The following NXPE2 variants were observed in gnomAD, a reference collection of about 807,000 sequenced individuals.
NXPE2 encodes neurexophilin and PC-esterase domain family member 2, also known as NXPE family member 2.
NXPE2 carries 34 observed loss-of-function variants against 34.4 expected under a neutral mutation model. The observed-to-expected ratio is 0.99, with a 90% CI of 0.75 to 1.31. NXPE2 has a LOEUF of 1.31. NXPE2 is among the 40% of genes most tolerant of loss of function. The probability of loss-of-function intolerance (pLI) is 0.00; values close to 1 mark genes in which losing one functional copy is unlikely to be tolerated. For missense variants in NXPE2, 649 were observed against 672.5 expected (o/e 0.97, Z 0.39); for synonymous variants, 235 against 231.3 (o/e 1.02, Z -0.15).
At chr11:114,567,425 G>A in the NXPE2 span, among the ~76,000 whole-genome samples, 14 of 151,916 alleles carry the variant, frequency 9.2e-5, no homozygotes, top group Admixed American at 7.2e-4. Context: ...GAAAACCAAC[G>A]ATCTCTGCTT....
chr11:114,609,100 T>C, the NXPE2 span, among the ~76,000 whole-genome samples: 1 of 151,974 alleles, frequency 6.6e-6, no homozygotes, highest in Admixed American at 6.6e-5. Flanking sequence ...AAGTGTTGCC[T>C]CATGGGTAGC....
At chr11:114,713,939 T>G in the NXPE2 span, among the ~76,000 whole-genome samples, 1 of 152,238 alleles carries the variant, frequency 6.6e-6, no homozygotes, top group Non-Finnish European at 1.5e-5. Context: ...AGTCATCAAG[T>G]GCTTCAGGCT....
At chr11:114,494,656 C>A in the NXPE2 span, among the ~76,000 whole-genome samples, 4 of 152,108 alleles carry the variant, frequency 2.6e-5, no homozygotes, top group Non-Finnish European at 4.4e-5. Context: ...GTTTTGAATT[C>A]TCTGTCTGAA....
At chr11:114,549,493 CAT>C in the NXPE2 span, among the ~76,000 whole-genome samples, 1 of 151,964 alleles carries the variant, frequency 6.6e-6, no homozygotes, top group Non-Finnish European at 1.5e-5. Flanking sequence ...TGAGGAATTA[CAT>C]GATTATCTTC....
At chr11:114,610,678 C>T in the NXPE2 span, among the ~76,000 whole-genome samples, 9 of 152,056 alleles carry the variant, frequency 5.9e-5, no homozygotes, top group East Asian at 5.8e-4. Context: ...CATGTTGCCT[C>T]GTGGTTAACC....
chr11:114,659,697 A>G, the NXPE2 span, among the ~76,000 whole-genome samples: 2 of 152,168 alleles, frequency 1.3e-5, no homozygotes, highest in South Asian at 2.1e-4. Context: ...AAGTTGTAAC[A>G]TTAAATACAT....
the NXPE2 span, among the ~76,000 whole-genome samples, chr11:114,533,735 G>C: frequency 1.1e-4 from 17 of 152,252 alleles, no homozygotes; most frequent in East Asian, 3.3e-3. Flanking sequence ...GCAAGACTAG[G>C]GGAGGGGCAC....
chr11:114,519,765 T>C, the NXPE2 span, among the ~76,000 whole-genome samples: 1 of 152,166 alleles, frequency 6.6e-6, no homozygotes. Flanking sequence ...ATTTTGTGTA[T>C]GTATCTTTTA....
At chr11:114,586,052 C>T in the NXPE2 span, among the ~76,000 whole-genome samples, 1 of 152,258 alleles carries the variant, frequency 6.6e-6, no homozygotes, top group African/African-American at 2.4e-5. Context: ...GAGTCCTAAC[C>T]AGTTCTTTGT....
At chr11:114,547,526 G>C in the NXPE2 span, among the ~76,000 whole-genome samples, 1 of 152,190 alleles carries the variant, frequency 6.6e-6, no homozygotes, top group Admixed American at 6.5e-5. Flanking sequence ...CTTGAGGTTA[G>C]GAGTTTGAGA....
chr11:114,580,859 A>C, the NXPE2 span, among the ~76,000 whole-genome samples: 4 of 152,226 alleles, frequency 2.6e-5, no homozygotes, highest in Non-Finnish European at 4.4e-5. Context: ...TTAGAGGTCC[A>C]AGATGGGCCA....
At chr11:114,645,277 G>A in the NXPE2 span, among the ~76,000 whole-genome samples, 1 of 151,964 alleles carries the variant, frequency 6.6e-6, no homozygotes, top group Non-Finnish European at 1.5e-5. Context: ...CTCCAGCCTG[G>A]GTGACAGAGT....
At chr11:114,593,031 A>G in the NXPE2 span, among the ~76,000 whole-genome samples, 1 of 152,278 alleles carries the variant, frequency 6.6e-6, no homozygotes, top group Admixed American at 6.5e-5. Context: ...CAGTTACAAA[A>G]TGAATTAAAG....
At chr11:114,480,646 A>G in the NXPE2 span, among the ~76,000 whole-genome samples, 1 of 152,098 alleles carries the variant, frequency 6.6e-6, no homozygotes, top group African/African-American at 2.4e-5. Flanking sequence ...ACCTAAGCTA[A>G]TTGACTTAAG....
At chr11:114,599,979 G>A in the NXPE2 span, among the ~76,000 whole-genome samples, 6 of 151,860 alleles carry the variant, frequency 4.0e-5, no homozygotes, top group African/African-American at 9.7e-5. Context: ...TAAATAAATG[G>A]GGTAAAATAA....
the NXPE2 span, among the ~76,000 whole-genome samples, chr11:114,469,817 G>C: frequency 6.6e-6 from 1 of 152,006 alleles, no homozygotes; most frequent in East Asian, 1.9e-4. Flanking sequence ...AAGTTTCCTC[G>C]TGCCTGTTTA....
chr11:114,789,785 T>A, the NXPE2 span, among the ~76,000 whole-genome samples: 1 of 152,152 alleles, frequency 6.6e-6, no homozygotes, highest in African/African-American at 2.4e-5. Flanking sequence ...TCCACTTATC[T>A]CCATTATTAC....
intron 2 of NXPE2, among the ~76,000 whole-genome samples, chr11:114,686,640 G>A (rs1178436155): frequency 6.6e-6 from 1 of 152,146 alleles, no homozygotes; most frequent in East Asian, 1.9e-4. Flanking sequence ...ACCCAGTAAT[G>A]GGATTGCTGG....
At chr11:114,580,449 A>G in the NXPE2 span, 1 of 838,214 alleles carries the variant, frequency 1.2e-6, no homozygotes, top group African/African-American at 1.7e-5. Context: ...GGTGGTGGTA[A>G]TGGTGGAAAA....
Sources: gnomAD v4.1 joint callset for allele counts (sites outside exome capture counted in the v4.1 genomes callset) on GRCh38, gnomAD v4.1.1 for gene constraint, MANE v1.5 for transcripts, NCBI Gene and HGNC (gene_info 2026-07-23, HGNC 2026-07-21) for gene names.